The following PPFIA2 variants were observed in gnomAD, a reference collection of about 807,000 sequenced individuals.
PPFIA2 encodes liprin-alpha-2.
A neutral mutation model predicts 175.5 loss-of-function variants in PPFIA2; 46 were observed. The observed-to-expected ratio is 0.26, with a 90% CI of 0.21 to 0.34. The LOEUF is 0.34. Among genes scored for constraint, PPFIA2 ranks in the 10% least tolerant of loss-of-function variants. The pLI is 1.00. For synonymous variants in PPFIA2, 568 were observed against 511.4 expected, an observed-to-expected ratio of 1.11 and a Z score of -1.49; for missense variants, 1,179 against 1,506.1, an observed-to-expected ratio of 0.78 and a Z score of 3.60.
intron 4 of PPFIA2, among the ~76,000 whole-genome samples, chr12:81,485,391 A>AT (rs919935405): frequency 9.2e-5 from 14 of 151,740 alleles, no homozygotes; most frequent in Admixed American, 2.6e-4. Context: ...ATAAATATAT[A>AT]TTTTTTAAAA....
Position 81,369,451 on chromosome 12 carries a change from T to G in PPFIA2, c.1267-257A>C. The G allele has an allele frequency of 9.3e-6, 12 of 1,292,460 alleles. 1 individual carries two copies. The South Asian group carries it at 1.8e-4, about 20-fold the overall frequency. The allele number at this position is 1,292,460 out of a possible 1,614,324, so 80.1% of individuals were successfully genotyped here. A position where few individuals can be genotyped will look rare whatever the true frequency, so the allele number is the denominator to read the frequency against. ...AATCAGCCAAATGTAACATGCAGACTGTGCATGGTTTGAACACAAACCTGC... is the reference window on the plus strand; with the variant it reads ...AATCAGCCAAATGTAACATGCAGACGGTGCATGGTTTGAACACAAACCTGC... On this transcript the variant is annotated intron_variant, in intron 11 of 32. Transcript: ENST00000549396.
In PPFIA2 at chr12:81,695,261, C is replaced by T. The variant is rs544396339; in HGVS notation, c.250-18417G>A. On this transcript the variant is annotated intron_variant, in intron 3 of 32. Transcript: ENST00000549396. ...GATATAGTTTGAATATTTGTCCCCA[C>T]CCTACTTTTATGTGGAATTGTAGTC... Among the ~76,000 whole-genome samples the T allele has an allele frequency of 8.5e-5, 13 of 152,224 alleles. No individual in the cohort carries two copies. The South Asian group carries it at 2.7e-3, about 32-fold the overall frequency.
At chr12:81,587,667 A>G (rs1480270454) in intron 4 of PPFIA2, among the ~76,000 whole-genome samples, 1 of 152,068 alleles carries the variant, frequency 6.6e-6, no homozygotes, top group African/African-American at 2.4e-5. Flanking sequence ...GAATTATGTA[A>G]TTGAAATTAC....
chr12:81,697,181 T>C (rs977677494), intron 3 of PPFIA2, among the ~76,000 whole-genome samples: 2 of 152,082 alleles, frequency 1.3e-5, no homozygotes, highest in Non-Finnish European at 2.9e-5. Flanking sequence ...TAAAACATCT[T>C]TCCCATTCTC....
chr12:81,263,488 AT>A, intron 30 of PPFIA2, 98 bp from the exon 31 acceptor site: 1 of 1,103,214 alleles, frequency 9.1e-7, no homozygotes, highest in Non-Finnish European at 1.3e-6. Flanking sequence ...GATTATTTAC[AT>A]TTAGTCTGTC....
chr12:81,697,817 G>C (rs562118215), intron 3 of PPFIA2, among the ~76,000 whole-genome samples: 11 of 152,090 alleles, frequency 7.2e-5, no homozygotes, highest in Non-Finnish European at 1.5e-4. Context: ...CTCTCAATAA[G>C]TAGAGTTGAA....
intron 4 of PPFIA2, among the ~76,000 whole-genome samples, chr12:81,529,559 A>AAGAGAGAGAGAG (rs60373881): frequency 3.0e-4 from 44 of 145,778 alleles, no homozygotes; most frequent in African/African-American, 1.0e-3. Context: ...GGGCAGTGGA[A>AAGAGAGAGAGAG]AGAGAGAGAG....
At chr12:81,668,777 A>T (rs1206316405) in intron 4 of PPFIA2, among the ~76,000 whole-genome samples, 5 of 151,974 alleles carry the variant, frequency 3.3e-5, no homozygotes, top group Admixed American at 3.3e-4. Context: ...TTCTCCAAAG[A>T]ATGTGGGGAT....
chr12:81,745,229 C>T (rs1207115126), intron 3 of PPFIA2, among the ~76,000 whole-genome samples: 2 of 152,080 alleles, frequency 1.3e-5, no homozygotes, highest in Non-Finnish European at 2.9e-5. Context: ...GAGACACAGC[C>T]CTAAGGTCCC....
chr12:81,324,570 T>G (rs1017038145), intron 22 of PPFIA2, among the ~76,000 whole-genome samples: 1 of 152,026 alleles, frequency 6.6e-6, no homozygotes, highest in African/African-American at 2.4e-5. Context: ...GGAAAGTATT[T>G]TTTAGAAGAA....
At chr12:81,556,061 T>A (rs1170813330) in intron 4 of PPFIA2, among the ~76,000 whole-genome samples, 1 of 151,962 alleles carries the variant, frequency 6.6e-6, no homozygotes, top group African/African-American at 2.4e-5. Context: ...GGTCTGTAAC[T>A]AGCCATGATA....
intron 7 of PPFIA2, among the ~76,000 whole-genome samples, chr12:81,431,606 A>G (rs577011075): frequency 4.0e-4 from 61 of 152,320 alleles, no homozygotes; most frequent in African/African-American, 1.4e-3. Context: ...AAGAAATGCC[A>G]CACTAAATAA....
At chr12:81,560,474 G>T (rs905016984) in intron 4 of PPFIA2, among the ~76,000 whole-genome samples, 2 of 152,008 alleles carry the variant, frequency 1.3e-5, no homozygotes, top group Admixed American at 1.3e-4. Flanking sequence ...TTTTAAAAAA[G>T]AACTAGGAGA....
chr12:81,576,829 A>G (rs1289292178), intron 4 of PPFIA2, among the ~76,000 whole-genome samples: 2 of 151,874 alleles, frequency 1.3e-5, no homozygotes. Context: ...TTCATCTGAA[A>G]ATATTCCCTG....
At chr12:81,670,087 G>C (rs781643684) in intron 4 of PPFIA2, among the ~76,000 whole-genome samples, 1 of 151,788 alleles carries the variant, frequency 6.6e-6, no homozygotes, top group Non-Finnish European at 1.5e-5. Flanking sequence ...ACTGAGAGGG[G>C]AAAATAGCAG....
intron 8 of PPFIA2, among the ~76,000 whole-genome samples, chr12:81,393,332 C>G (rs2040500361): frequency 6.6e-6 from 1 of 151,988 alleles, no homozygotes; most frequent in South Asian, 2.1e-4. Context: ...AGAAAGTCAT[C>G]AAATTGAAAG....
At chr12:81,665,727 CCAAAAGCAATGGCAA>C (rs2070075964) in intron 4 of PPFIA2, among the ~76,000 whole-genome samples, 1 of 151,790 alleles carries the variant, frequency 6.6e-6, no homozygotes, top group African/African-American at 2.4e-5. Flanking sequence ...TAGAGGCAGA[CCAAAAGCAATGGCAA>C]CAAAAGCCAA....
chr12:81,479,364 T>A (rs2057905412), intron 4 of PPFIA2, among the ~76,000 whole-genome samples: 1 of 152,188 alleles, frequency 6.6e-6, no homozygotes, highest in Non-Finnish European at 1.5e-5. Context: ...CACCGATAGG[T>A]CTTGACTCTT....
At chr12:81,711,450 T>C (rs2077902712) in intron 3 of PPFIA2, among the ~76,000 whole-genome samples, 1 of 151,316 alleles carries the variant, frequency 6.6e-6, no homozygotes, top group African/African-American at 2.4e-5. Context: ...ATGAACTAAT[T>C]ATAGAATACT....
Sources: allele counts gnomAD v4.1 joint callset (sites outside exome capture counted in the v4.1 genomes callset), GRCh38; gene constraint gnomAD v4.1.1; transcripts MANE v1.5; gene names NCBI Gene and HGNC (gene_info 2026-07-23, HGNC 2026-07-21).